CEP57: variants seen among roughly 807,000 people sequenced by gnomAD.
CEP57 encodes centrosomal protein of 57 kDa.
In CEP57, 40 loss-of-function variants were observed where a neutral mutation model predicts 68.0. The observed-to-expected ratio is 0.59, with a 90% CI of 0.46 to 0.77. The LOEUF (loss-of-function observed/expected upper bound fraction) is 0.77. CEP57 is among the 30% of genes least tolerant of loss of function. CEP57 has a pLI of 0.00. For synonymous variants in CEP57, 219 were observed against 198.7 expected (o/e 1.10, Z -0.86); for missense variants, 606 against 580.7 (o/e 1.04, Z -0.45).
chr11:95,820,131 T>C (rs1446031918), intron 6 of CEP57, among the ~76,000 whole-genome samples: 3 of 152,230 alleles, frequency 2.0e-5, no homozygotes, highest in Non-Finnish European at 4.4e-5. Flanking sequence ...CCTTATTTAA[T>C]GAATTTTTAA....
intron 1 of CEP57, among the ~76,000 whole-genome samples, chr11:95,791,903 CGTA>C (rs752190446): frequency 5.9e-5 from 9 of 151,902 alleles, no homozygotes; most frequent in Non-Finnish European, 1.2e-4. Context: ...GAATTGGAAA[CGTA>C]GGTAAAAACG....
upstream of CEP57, chr11:95,790,273 G>A (rs1860946592): frequency 1.6e-5 from 4 of 253,452 alleles, no homozygotes; most frequent in Admixed American, 5.0e-5. Flanking sequence ...CCCTTCAGTT[G>A]CCACTGGCGA....
intron 1 of CEP57, among the ~76,000 whole-genome samples, chr11:95,793,476 G>A (rs756631398): frequency 7.0e-4 from 107 of 152,132 alleles, no homozygotes; most frequent in Non-Finnish European, 1.3e-3. Flanking sequence ...ATGTTTTATG[G>A]CTATCATACA....
chr11:95,813,991 C>T (rs1180659565), intron 4 of CEP57, among the ~76,000 whole-genome samples: 3 of 152,198 alleles, frequency 2.0e-5, no homozygotes, highest in Non-Finnish European at 4.4e-5. Context: ...CAGAGATCTT[C>T]GTATTTAGGT....
At chr11:95,830,723 G>A (rs760722236) in intron 10 of CEP57, among the ~76,000 whole-genome samples, 11 of 151,260 alleles carry the variant, frequency 7.3e-5, no homozygotes, top group African/African-American at 2.7e-4. Context: ...TTTCTCACTC[G>A]CCCTGTTCTG....
chr11:95,822,305 T>C (rs1248370187), intron 7 of CEP57, 194 bp from the exon 8 acceptor site: 7 of 599,274 alleles, frequency 1.2e-5, no homozygotes, highest in South Asian at 4.0e-5. Context: ...AAGTGCTTTT[T>C]TCCCCCCAGC....
chr11:95,822,287 G>C, intron 7 of CEP57: 1 of 589,612 alleles, frequency 1.7e-6, no homozygotes, highest in Non-Finnish European at 3.0e-6. Context: ...TGTAACTGTT[G>C]TTTTGTCAAG....
At chr11:95,799,109 C>T (rs569173610) in intron 1 of CEP57, 123 bp from the exon 2 acceptor site, 3 of 905,592 alleles carry the variant, frequency 3.3e-6, no homozygotes, top group East Asian at 5.2e-5. Context: ...TGTATTGTTT[C>T]TAGTCAGTGG....
Position 95,790,618 on chromosome 11 carries a change from G to T in CEP57, c.-81G>T. ...GGTTCAGCCTAGGGTCCCCGCTGGT[G>T]GGCGGCTCCCGAGTCTTGGAGAAGA... On this transcript the variant is annotated 5_prime_UTR_variant, in exon 1 of 11. Coordinates refer to ENST00000325542, the MANE Select transcript of CEP57 (RefSeq NM_014679.5). 1 of 1,543,028 alleles carries T rather than the reference G, an allele frequency of 6.5e-7. No homozygotes were observed. Among genetic ancestry groups the T allele is most frequent in the Non-Finnish European group, 8.8e-7 (1 of 1,130,372 alleles).
In CEP57 at chr11:95,813,084, A is replaced by G. The variant is rs1042699553; in HGVS notation, c.355A>G (p.Lys119Glu). 1.9e-6 allele frequency: 3 copies of G among 1,613,066 alleles called. No individual in the cohort carries two copies. In the Admixed American group the frequency reaches 5.0e-5, roughly 27 times the overall value. ...ACAGATACAAGAAAGGGAGAATTCA[A>G]AGAATGAGGAATCAAAGCACAATCA... The part of the protein sequence containing the change: ...DEQIQERENS[K>E]NEESKHNQEL... Residue 119 changes from lysine (K) to glutamate (E), a missense_variant, in exon 3 of 11, where the codon AAG (lysine) becomes GAG (glutamate). By Grantham distance (56) the Lys-to-Glu change is moderately conservative (BLOSUM62 1). Transcript: ENST00000325542.
At chr11:95,790,878 C>T in intron 1 of CEP57, 135 bp downstream of exon 1, 1 of 1,029,120 alleles carries the variant, frequency 9.7e-7, no homozygotes, top group South Asian at 1.4e-5. Context: ...GATTGCCCCG[C>T]GCTCCCCAAG....
intron 10 of CEP57, among the ~76,000 whole-genome samples, chr11:95,830,077 T>C (rs1318417523): frequency 6.6e-6 from 1 of 152,210 alleles, no homozygotes; most frequent in African/African-American, 2.4e-5. Flanking sequence ...TGTTGACTGT[T>C]GATTGGTAGC....
intron 6 of CEP57, among the ~76,000 whole-genome samples, chr11:95,821,625 A>G (rs1862520365): frequency 6.6e-6 from 1 of 152,216 alleles, no homozygotes; most frequent in Admixed American, 6.5e-5. Flanking sequence ...TACTGGAGAT[A>G]ATGTGTTCCA....
intron 3 of CEP57, 133 bp downstream of exon 3, chr11:95,813,244 C>A: frequency 9.5e-7 from 1 of 1,053,592 alleles, no homozygotes; most frequent in Non-Finnish European, 1.4e-6. Flanking sequence ...TATTCTGGTG[C>A]ATTTTGAGGA....
rs1491504497 is a variant in CEP57, at chr11:95,829,337, TCA to T, written c.1272+7_1272+8del. 171 of 1,613,102 alleles carry T rather than the reference TCA, an allele frequency of 1.1e-4. No individual in the cohort carries two copies. In the African/African-American group the frequency reaches 2.0e-3, roughly 19 times the overall value. ...TTCGAAAATACCAAGCCCAGGTAACTCAGTTTTCCTTCACTCAAGTTTCTAAT... is the reference window on the plus strand; with the variant it reads ...TTCGAAAATACCAAGCCCAGGTAACTGTTTTCCTTCACTCAAGTTTCTAAT... On this transcript the variant is annotated splice_region_variant and intron_variant, in intron 10 of 10. Transcript: ENST00000325542.
chr11:95,831,760 C>T lies in CEP57; in HGVS notation c.*504C>T, dbSNP rs1863016839. ...TGGAGTTTTTCTATATTTAAAAATA[C>T]ATATATATTTCAGAGGATTTTTATT... On this transcript the variant is annotated 3_prime_UTR_variant, in exon 11 of 11. Coordinates refer to ENST00000325542, the MANE Select transcript of CEP57 (RefSeq NM_014679.5). 1 of 152,140 alleles carries T rather than the reference C, an allele frequency of 6.6e-6. No individual in the cohort carries two copies. Among genetic ancestry groups the T allele is most frequent in the African/African-American group, 2.4e-5 (1 of 41,396 alleles). The allele number at this position is 152,140 out of a possible 1,614,324, so 9.4% of individuals were successfully genotyped here. A position where few individuals can be genotyped will look rare whatever the true frequency, so the allele number is the denominator to read the frequency against.
intron 4 of CEP57, among the ~76,000 whole-genome samples, chr11:95,814,074 ACT>A (rs879941883): frequency 0.28 from 42,313 of 151,992 alleles, 7,055 homozygotes; most frequent in Non-Finnish European, 0.38. Flanking sequence ...ATTGGATCTC[ACT>A]CTGTCTCACT....
chr11:95,830,986 A>T, intron 10 of CEP57, 40 bp from the exon 11 acceptor site: 1 of 1,487,578 alleles, frequency 6.7e-7, no homozygotes, highest in African/African-American at 1.4e-5. Flanking sequence ...TATTTTCATT[A>T]AATTCTCCTT....
Position 95,831,315 on chromosome 11 carries a change from A to G in CEP57, c.*59A>G, listed in dbSNP as rs572755260. 4.0e-5 allele frequency: 48 copies of G among 1,197,866 alleles called. No individual in the cohort carries two copies. In the African/African-American group the frequency reaches 7.1e-4, roughly 18 times the overall value. The allele number at this position is 1,197,866 out of a possible 1,614,324, so 74.2% of individuals were successfully genotyped here. A position where few individuals can be genotyped will look rare whatever the true frequency, so the allele number is the denominator to read the frequency against. On this transcript the variant is annotated 3_prime_UTR_variant, in exon 11 of 11. Coordinates refer to ENST00000325542, the MANE Select transcript of CEP57 (RefSeq NM_014679.5). ...TCTGTACCTCATCAATCAGATGATG[A>G]CAATTTACTTCCCAGGTCTCATACT... is the stretch of plus-strand genomic sequence containing the variant.
Sources: allele counts gnomAD v4.1 joint callset (sites outside exome capture counted in the v4.1 genomes callset), GRCh38; gene constraint gnomAD v4.1.1; transcripts MANE v1.5; gene names NCBI Gene and HGNC (gene_info 2026-07-23, HGNC 2026-07-21).